SUGT1: variants seen among roughly 807,000 people sequenced by gnomAD.
The protein encoded by SUGT1 is SGT1 assembly cochaperone of MIS12 kinetochore complex.
A neutral mutation model predicts 56.1 loss-of-function variants in SUGT1; 15 were observed. That is an observed-to-expected ratio of 0.27 (90% CI 0.18 to 0.41). SUGT1 has a LOEUF of 0.41. Among genes scored for constraint, SUGT1 ranks in the 10% least tolerant of loss-of-function variants. The probability of loss-of-function intolerance (pLI) is 1.00; values close to 1 mark genes in which losing one functional copy is unlikely to be tolerated. For synonymous variants in SUGT1, 123 were observed against 128.6 expected, an observed-to-expected ratio of 0.96 and a Z score of 0.30; for missense variants, 347 against 382.2, an observed-to-expected ratio of 0.91 and a Z score of 0.77.
intron 11 of SUGT1, among the ~76,000 whole-genome samples, chr13:52,677,443 T>C (rs746199871): frequency 2.4e-4 from 37 of 152,246 alleles, no homozygotes; most frequent in Non-Finnish European, 5.0e-4. Flanking sequence ...CTTCACACTT[T>C]ATTTGAAAGA....
Position 52,676,300 on chromosome 13 carries a change from C to T in SUGT1, c.698C>T (p.Thr233Met), listed in dbSNP as rs371011852. The change falls in exon 11 of 13, where the codon ACG becomes ATG. Residue 233 changes from threonine to methionine, a missense_variant. By Grantham distance (81) the Thr-to-Met change is moderately conservative. Coordinates refer to ENST00000310528, the MANE Select transcript of SUGT1 (RefSeq NM_006704.5). ...EKLEGQGDVP[T>M]PKQFVADVKN... is the part of the protein sequence containing the mutation. ...CTAGAGGGGCAAGGAGATGTGCCTA[C>T]GCCAAAACAATTCGTAGCAGGTTTG... 18 of 1,612,318 alleles carry T rather than the reference C, an allele frequency of 1.1e-5. No individual in the cohort carries two copies. The highest frequency in any genetic ancestry group is 1.6e-4 in the Middle Eastern group (1 of 6,062).
intron 12 of SUGT1, among the ~76,000 whole-genome samples, chr13:52,684,543 A>G (rs1302015730): frequency 2.0e-5 from 3 of 150,534 alleles, no homozygotes; most frequent in African/African-American, 7.3e-5. Context: ...ATTTCTATCT[A>G]TTCACTCATT....
chr13:52,657,481 T>C, intron 2 of SUGT1, 51 bp from the exon 3 acceptor site: 3 of 1,475,448 alleles, frequency 2.0e-6, no homozygotes, highest in Non-Finnish European at 2.8e-6. Flanking sequence ...AATTAGAATT[T>C]GATGGCTTCT....
Position 52,700,165 on chromosome 13 carries a change from A to G in SUGT1, c.*12330A>G, listed in dbSNP as rs1454519948. ...AATGACTTAATTTAACTTAGTGGGT[A>G]TACTGTTCCCAGTCCCATTACTGAT... On this transcript the variant is annotated 3_prime_UTR_variant, in exon 13 of 13. Coordinates refer to ENST00000310528, the MANE Select transcript of SUGT1 (RefSeq NM_006704.5). 1 of 152,298 alleles carries G rather than the reference A, an allele frequency of 6.6e-6. No homozygotes were observed. Among genetic ancestry groups the G allele is most frequent in the East Asian group, 1.9e-4 (1 of 5,190 alleles). The allele number at this position is 152,298 out of a possible 1,614,324, so 9.4% of individuals were successfully genotyped here.
intron 10 of SUGT1, among the ~76,000 whole-genome samples, chr13:52,669,009 C>T (rs1962827691): frequency 6.6e-6 from 1 of 152,118 alleles, no homozygotes. Context: ...ATTAAGCACT[C>T]TTATCTCAAT....
At chr13:52,655,435 A>G (rs1020548422) in intron 2 of SUGT1, among the ~76,000 whole-genome samples, 2 of 152,224 alleles carry the variant, frequency 1.3e-5, no homozygotes, top group African/African-American at 4.8e-5. Flanking sequence ...AAATTTTCTG[A>G]ATTACAAAAC....
rs1963855784 is a variant in SUGT1 at position 52,694,087 on chromosome 13, C to A, written c.*6252C>A. On this transcript the variant is annotated 3_prime_UTR_variant, in exon 13 of 13. Transcript: ENST00000310528. Reference sequence around the variant, plus strand: ...TCACTGAAATTGTGGAAAGCAAAACCATGGATAAAGGGGAACTATTAATAG... The same window carrying A: ...TCACTGAAATTGTGGAAAGCAAAACAATGGATAAAGGGGAACTATTAATAG... 2.6e-5 allele frequency: 4 copies of A among 152,134 alleles called. No homozygotes were observed. In the South Asian group the frequency reaches 8.3e-4, roughly 32 times the overall value. The allele number at this position is 152,134 out of a possible 1,614,324, so 9.4% of individuals were successfully genotyped here. A position where few individuals can be genotyped will look rare whatever the true frequency, so the allele number is the denominator to read the frequency against.
At chr13:52,662,751 A>G in intron 6 of SUGT1, 49 bp downstream of exon 6, 1 of 1,574,864 alleles carries the variant, frequency 6.3e-7, no homozygotes, top group Non-Finnish European at 8.6e-7. Flanking sequence ...AGAAGTAAAC[A>G]TCTGAAATTT....
intron 2 of SUGT1, 104 bp from the exon 3 acceptor site, chr13:52,657,428 A>G (rs1962221541): frequency 2.0e-6 from 2 of 977,674 alleles, no homozygotes; most frequent in South Asian, 1.5e-5. Flanking sequence ...CTTTCCTCCA[A>G]ATAGCTTCTG....
intron 7 of SUGT1, 133 bp from the exon 8 acceptor site, chr13:52,663,902 A>C (rs995003810): frequency 2.3e-6 from 2 of 876,074 alleles, no homozygotes; most frequent in African/African-American, 1.7e-5. Context: ...GAAAATTTTC[A>C]TGTAGTTATT....
intron 5 of SUGT1, 97 bp from the exon 6 acceptor site, chr13:52,662,547 GTGCCT>G: frequency 1.7e-6 from 2 of 1,184,414 alleles, no homozygotes; most frequent in South Asian, 1.4e-5. Context: ...CGACTCCCCA[GTGCCT>G]AGAACACTGC....
chr13:52,690,208 A>G lies in SUGT1; in HGVS notation c.*2373A>G, dbSNP rs1191509624. ...TGAAAAGTAGGCTAGATTGCTGCCT[A>G]AGAATCCCACTCTAAAGTACTGCTT... On this transcript the variant is annotated 3_prime_UTR_variant, in exon 13 of 13. Coordinates refer to ENST00000310528, the MANE Select transcript of SUGT1 (RefSeq NM_006704.5). 1 of 152,206 alleles carries G rather than the reference A, an allele frequency of 6.6e-6. No homozygotes were observed. Among genetic ancestry groups the G allele is most frequent in the African/African-American group, 2.4e-5 (1 of 41,454 alleles). The allele number at this position is 152,206 out of a possible 1,614,324, so 9.4% of individuals were successfully genotyped here.
At chr13:52,661,456 C>T (rs1200040542) in intron 5 of SUGT1, 4 of 282,678 alleles carry the variant, frequency 1.4e-5, no homozygotes, top group Admixed American at 5.2e-5. Flanking sequence ...CCAAGCCTGG[C>T]TAATTTTTGT....
chr13:52,676,052 A>G lies in SUGT1; in HGVS notation c.628-178A>G, dbSNP rs181572620. ...TGTATGTTGTTTTTTTTCAAGGGTG[A>G]ATTTTGAGTGTAGAAACAAAATTGT... On this transcript the variant is annotated intron_variant, in intron 10 of 12. Coordinates refer to ENST00000310528, the MANE Select transcript of SUGT1 (RefSeq NM_006704.5). 1.4e-3 allele frequency among the ~76,000 whole-genome samples: 214 copies of G among 152,236 alleles called. 1 individual carries two copies. Among genetic ancestry groups the G allele is most frequent in the African/African-American group, 5.0e-3 (206 of 41,530 alleles).
chr13:52,654,789 T>C (rs553558032), intron 2 of SUGT1, among the ~76,000 whole-genome samples: 38 of 152,272 alleles, frequency 2.5e-4, no homozygotes, highest in Non-Finnish European at 4.6e-4. Context: ...CTGTGTAATA[T>C]TCCATTGTAT....
At chr13:52,656,213 C>T (rs1962160597) in intron 2 of SUGT1, among the ~76,000 whole-genome samples, 1 of 152,180 alleles carries the variant, frequency 6.6e-6, no homozygotes, top group African/African-American at 2.4e-5. Context: ...AAAATCAATA[C>T]TTTTCATTGA....
chr13:52,687,658 T>C (rs1963648046), intron 12 of SUGT1, 76 bp from the exon 13 acceptor site: 3 of 1,206,114 alleles, frequency 2.5e-6, no homozygotes, highest in Admixed American at 2.9e-5. Flanking sequence ...GGCTCTATGC[T>C]TGGAACATTT....
intron 10 of SUGT1, among the ~76,000 whole-genome samples, chr13:52,675,851 C>T (rs1405581741): frequency 6.6e-6 from 1 of 152,124 alleles, no homozygotes; most frequent in East Asian, 1.9e-4. Context: ...GTGGTCTCTA[C>T]TCAATAGATG....
At chr13:52,670,783 C>T (rs944709720) in intron 10 of SUGT1, among the ~76,000 whole-genome samples, 19 of 152,120 alleles carry the variant, frequency 1.2e-4, no homozygotes, top group African/African-American at 4.3e-4. Flanking sequence ...ACTGCACTCC[C>T]GCCTGGGTGA....
Sources: allele counts gnomAD v4.1 joint callset (sites outside exome capture counted in the v4.1 genomes callset), GRCh38; gene constraint gnomAD v4.1.1; transcripts MANE v1.5; gene names NCBI Gene and HGNC (gene_info 2026-07-23, HGNC 2026-07-21).